Variants in CDC73 observed in about 807,000 individuals in gnomAD.
The protein encoded by CDC73 is parafibromin.
Under a neutral mutation model 83.7 loss-of-function variants are expected in CDC73, and 21 were observed. The observed-to-expected ratio is 0.25, with a 90% CI of 0.18 to 0.36. The LOEUF is 0.36. CDC73 is among the 10% of genes least tolerant of loss of function. The pLI is 1.00. For synonymous variants in CDC73, 224 were observed against 212.9 expected (o/e 1.05, Z -0.45); for missense variants, 342 against 653.3 (o/e 0.52, Z 5.19).
chr1:193,165,291 C>T (rs927594709), intron 10 of CDC73, among the ~76,000 whole-genome samples: 7 of 152,194 alleles, frequency 4.6e-5, no homozygotes, highest in Non-Finnish European at 8.8e-5. Context: ...AAAGACATTA[C>T]AATTTAAGTG....
chr1:193,151,633 T>C lies in CDC73; in HGVS notation c.908-747T>C, dbSNP rs571080737. Among the ~76,000 whole-genome samples, 17 of 152,326 alleles carry C rather than the reference T, an allele frequency of 1.1e-4. No individual in the cohort carries two copies. In the East Asian group the frequency reaches 3.3e-3, roughly 29 times the overall value. ...TTACAACATTGCTTTCTATAAAATA[T>C]GTAATATGGTTGATTGCTGTAGCTC... On this transcript the variant is annotated intron_variant, in intron 9 of 16. Transcript: ENST00000367435.
chr1:193,180,161 T>TA (rs1676687540), intron 10 of CDC73: 5 of 800,570 alleles, frequency 6.2e-6, no homozygotes, highest in Admixed American at 3.7e-5. Context: ...CTTCAGAAAT[T>TA]AAAAAAATAC....
At chr1:193,204,495 T>C (rs1407046251) in intron 11 of CDC73, among the ~76,000 whole-genome samples, 1 of 151,738 alleles carries the variant, frequency 6.6e-6, no homozygotes, top group African/African-American at 2.4e-5. Flanking sequence ...TTCACTGTGT[T>C]AGCCAGGATG....
At chr1:193,159,623 A>G (rs1676272146) in intron 10 of CDC73, among the ~76,000 whole-genome samples, 1 of 152,114 alleles carries the variant, frequency 6.6e-6, no homozygotes, top group South Asian at 2.1e-4. Context: ...CAGCCTCCCA[A>G]AGTGCTTGGA....
At chr1:193,236,442 T>C in intron 15 of CDC73, 86 bp downstream of exon 15, 1 of 857,010 alleles carries the variant, frequency 1.2e-6, no homozygotes, top group Non-Finnish European at 2.0e-6. Flanking sequence ...TCTGCGCATA[T>C]GATGTGTATG....
Position 193,122,111 on chromosome 1 carries a change from G to C in CDC73, c.-90G>C. The C allele has an allele frequency of 7.6e-7, 1 of 1,309,594 alleles. No homozygotes were observed. The highest frequency in any genetic ancestry group is 1.1e-6 in the Non-Finnish European group (1 of 910,146). The allele number at this position is 1,309,594 out of a possible 1,614,324, so 81.1% of individuals were successfully genotyped here. A position where few individuals can be genotyped will look rare whatever the true frequency, so the allele number is the denominator to read the frequency against. On this transcript the variant is annotated 5_prime_UTR_variant, in exon 1 of 17. Transcript: ENST00000367435. ...GGTTCGTCGCGGCGGCGAAGGAGGA[G>C]GAGGAAGAGGGCGAGGCGACAAGAG...
intron 10 of CDC73, among the ~76,000 whole-genome samples, chr1:193,162,570 T>C (rs1442539917): frequency 6.6e-6 from 1 of 151,760 alleles, no homozygotes; most frequent in African/African-American, 2.4e-5. Context: ...GATTTCACCA[T>C]GTTGGCCATG....
Position 193,132,149 on chromosome 1 carries a change from A to G in CDC73, c.307+1906A>G, listed in dbSNP as rs150074570. Among the ~76,000 whole-genome samples, 18 of 152,356 alleles carry G rather than the reference A, an allele frequency of 1.2e-4. No individual in the cohort carries two copies. The East Asian group carries it at 3.1e-3, about 26-fold the overall frequency. ...TCTTACTTTGCTGAGTGTGACGTGT[A>G]GTACCTTTAAGTCATTAACAGCTGT... On this transcript the variant is annotated intron_variant, in intron 3 of 16. Coordinates refer to ENST00000367435, the MANE Select transcript of CDC73 (RefSeq NM_024529.5).
chr1:193,131,982 AGGGGACAGACAGTTGTTTG>A (rs1228909715), intron 3 of CDC73, among the ~76,000 whole-genome samples: 1 of 152,236 alleles, frequency 6.6e-6, no homozygotes, highest in Admixed American at 6.5e-5. Flanking sequence ...GTAAATCCTA[AGGGGACAGACAGTTGTTTG>A]TCTTGTTAAA....
At chr1:193,200,218 T>A (rs1677070188) in intron 10 of CDC73, among the ~76,000 whole-genome samples, 1 of 151,994 alleles carries the variant, frequency 6.6e-6, no homozygotes, top group Admixed American at 6.6e-5. Context: ...CCTGTTTTTT[T>A]AAAAAAAAGT....
intron 15 of CDC73, among the ~76,000 whole-genome samples, chr1:193,245,915 T>C (rs1327814661): frequency 1.3e-5 from 2 of 152,214 alleles, no homozygotes; most frequent in African/African-American, 4.8e-5. Flanking sequence ...ATATATTTGT[T>C]GACTATTTTT....
intron 10 of CDC73, chr1:193,161,192 T>C (rs558668083): frequency 5.6e-6 from 1 of 177,632 alleles, no homozygotes; most frequent in South Asian, 2.0e-4. Context: ...TGTTCCTCTG[T>C]GAGTGACTGT....
chr1:193,183,697 T>C (rs1478864738), intron 10 of CDC73, among the ~76,000 whole-genome samples: 1 of 151,824 alleles, frequency 6.6e-6, no homozygotes, highest in Non-Finnish European at 1.5e-5. Flanking sequence ...TTCATAAGGA[T>C]ATCAGTAGAT....
chr1:193,141,066 T>G (rs1442403337), intron 6 of CDC73: 1 of 152,234 alleles, frequency 6.6e-6, no homozygotes, highest in Non-Finnish European at 1.5e-5. Context: ...TTTTGTCCTT[T>G]TTCTAGATTT....
Position 193,161,720 on chromosome 1 carries a change from A to G in CDC73, c.972+9276A>G, listed in dbSNP as rs1253797293. Among the ~76,000 whole-genome samples, 7 of 12,192 alleles carry G rather than the reference A, an allele frequency of 5.7e-4. 1 individual carries two copies. Among genetic ancestry groups the G allele is most frequent in the East Asian group, 4.5e-3 (6 of 1,344 alleles). 8.0% of individuals were successfully genotyped at this position (12,192 alleles called of 152,430 possible). ...ATATTATATATCTATCATATAATAT[A>G]ATATATATAATATATAATATATATC... On this transcript the variant is annotated intron_variant, in intron 10 of 16. Transcript: ENST00000367435.
intron 11 of CDC73, among the ~76,000 whole-genome samples, chr1:193,204,182 TACAC>T (rs756369033): frequency 1.7e-4 from 24 of 142,586 alleles, no homozygotes; most frequent in South Asian, 7.1e-4. Flanking sequence ...TATATATATA[TACAC>T]ACACACACAT....
intron 3 of CDC73, among the ~76,000 whole-genome samples, chr1:193,130,506 A>T (rs1675676220): frequency 6.6e-6 from 1 of 152,194 alleles, no homozygotes. Context: ...TTTCTCTGAC[A>T]TCATCAGTTT....
intron 8 of CDC73, 96 bp from the exon 9 acceptor site, chr1:193,150,208 C>A: frequency 1.2e-6 from 1 of 866,678 alleles, no homozygotes; most frequent in Non-Finnish European, 1.9e-6. Flanking sequence ...GAGGTCTTGG[C>A]TGCAGTGAGC....
chr1:193,221,749 A>G (rs898659378), intron 13 of CDC73, among the ~76,000 whole-genome samples: 4 of 152,208 alleles, frequency 2.6e-5, no homozygotes, highest in Non-Finnish European at 5.9e-5. Context: ...TAAACAGACC[A>G]CATTCTTAGG....
Sources: gnomAD v4.1 joint callset for allele counts (sites outside exome capture counted in the v4.1 genomes callset) on GRCh38, gnomAD v4.1.1 for gene constraint, MANE v1.5 for transcripts, NCBI Gene and HGNC (gene_info 2026-07-23, HGNC 2026-07-21) for gene names.